Variants in BACH2 observed in about 807,000 individuals in gnomAD.
The protein encoded by BACH2 is BACH transcriptional regulator 2, also known as transcription regulator protein BACH2.
BACH2 carries 5 observed loss-of-function variants against 61.8 expected under a neutral mutation model. The ratio of observed to expected loss-of-function variants is 0.08; its 90% CI spans 0.04 to 0.17. BACH2 has a LOEUF of 0.17. Ranked by LOEUF, BACH2 falls within the 10% of genes least tolerant of loss-of-function variation. BACH2 has a pLI of 1.00. For synonymous variants in BACH2, 446 were observed against 440.1 expected (o/e 1.01, Z -0.17); for missense variants, 824 against 1,091.1 (o/e 0.76, Z 3.45).
At chr6:89,993,064 G>A (rs796788729) in intron 6 of BACH2, among the ~76,000 whole-genome samples, 1 of 152,268 alleles carries the variant, frequency 6.6e-6, no homozygotes, top group African/African-American at 2.4e-5. Flanking sequence ...ACAAGGAGGC[G>A]GCTGTCTGTA....
chr6:90,189,541 G>A (rs1768486804), intron 4 of BACH2, among the ~76,000 whole-genome samples: 2 of 150,170 alleles, frequency 1.3e-5, no homozygotes, highest in Admixed American at 1.3e-4. Flanking sequence ...CCGGGAAGCG[G>A]AGCTTGCAGT....
At chr6:90,093,757 A>T (rs995083532) in intron 4 of BACH2, among the ~76,000 whole-genome samples, 1 of 152,214 alleles carries the variant, frequency 6.6e-6, no homozygotes, top group African/African-American at 2.4e-5. Context: ...GTGTCTCAGA[A>T]CAATGGTGAA....
At chr6:90,139,613 G>C (rs1784396352) in intron 4 of BACH2, among the ~76,000 whole-genome samples, 1 of 152,210 alleles carries the variant, frequency 6.6e-6, no homozygotes, top group Admixed American at 6.5e-5. Context: ...AGGAGGGGTA[G>C]GGGTTGGGGA....
chr6:89,961,983 CAA>C (rs369414753), intron 6 of BACH2, among the ~76,000 whole-genome samples: 58 of 152,264 alleles, frequency 3.8e-4, no homozygotes, highest in African/African-American at 1.4e-3. Flanking sequence ...ATTTTTGACC[CAA>C]GAGTGTGTAC....
At chr6:90,275,964 G>A (rs1367308102) in intron 1 of BACH2, among the ~76,000 whole-genome samples, 6 of 137,852 alleles carry the variant, frequency 4.4e-5, no homozygotes, top group African/African-American at 1.0e-4. Context: ...GCTAGATTTC[G>A]TCTTAAAAAA....
intron 8 of BACH2, among the ~76,000 whole-genome samples, chr6:89,934,584 G>A (rs1475345832): frequency 6.6e-6 from 1 of 152,064 alleles, no homozygotes; most frequent in Admixed American, 6.6e-5. Flanking sequence ...GCTTGAATCC[G>A]GGAGGTGGAG....
chr6:89,954,165 C>A (rs1054111741), intron 6 of BACH2, among the ~76,000 whole-genome samples: 2 of 152,226 alleles, frequency 1.3e-5, no homozygotes, highest in African/African-American at 4.8e-5. Context: ...CGTAATGATC[C>A]TATGCTCCTC....
chr6:90,126,074 T>C (rs192364720), intron 4 of BACH2, among the ~76,000 whole-genome samples: 1 of 152,300 alleles, frequency 6.6e-6, no homozygotes, highest in East Asian at 1.9e-4. Context: ...CTGTGGGATA[T>C]GAACAGGTGG....
At chr6:90,165,384 A>G (rs1336468648) in intron 4 of BACH2, among the ~76,000 whole-genome samples, 1 of 152,134 alleles carries the variant, frequency 6.6e-6, no homozygotes, top group Non-Finnish European at 1.5e-5. Flanking sequence ...AGAACTACAA[A>G]CCACTGCTCA....
intron 1 of BACH2, among the ~76,000 whole-genome samples, chr6:90,278,510 C>T (rs1048266924): frequency 2.6e-5 from 4 of 152,208 alleles, no homozygotes; most frequent in Non-Finnish European, 5.9e-5. Flanking sequence ...ATCTCTCAAG[C>T]CATGATTTAA....
chr6:90,174,336 A>G (rs1363073046), intron 4 of BACH2, among the ~76,000 whole-genome samples: 2 of 152,060 alleles, frequency 1.3e-5, no homozygotes, highest in African/African-American at 4.8e-5. Flanking sequence ...TAGAAAAAGC[A>G]TTCAATAAAA....
intron 5 of BACH2, among the ~76,000 whole-genome samples, chr6:90,015,482 T>C (rs1450392756): frequency 6.6e-6 from 1 of 152,244 alleles, no homozygotes; most frequent in Non-Finnish European, 1.5e-5. Flanking sequence ...TTTTACTCAA[T>C]TCTTAATGCT....
chr6:89,936,587 T>C (rs562301508), intron 8 of BACH2, among the ~76,000 whole-genome samples: 15 of 152,108 alleles, frequency 9.9e-5, no homozygotes, highest in Non-Finnish European at 2.1e-4. Context: ...ACTGGAGAGG[T>C]AGCTACAGAC....
At chr6:89,997,446 T>C (rs1260318739) in intron 6 of BACH2, among the ~76,000 whole-genome samples, 1 of 152,210 alleles carries the variant, frequency 6.6e-6, no homozygotes, top group Non-Finnish European at 1.5e-5. Flanking sequence ...ACCTTCCTAT[T>C]TGTAGGGTAC....
intron 7 of BACH2, among the ~76,000 whole-genome samples, chr6:89,949,687 G>A (rs1773955792): frequency 6.6e-6 from 1 of 152,184 alleles, no homozygotes; most frequent in African/African-American, 2.4e-5. Flanking sequence ...ATGTGTGGCT[G>A]ACTAGGGTGC....
At chr6:90,219,975 C>G (rs1314621410) in intron 3 of BACH2, among the ~76,000 whole-genome samples, 1 of 150,058 alleles carries the variant, frequency 6.7e-6, no homozygotes, top group Non-Finnish European at 1.5e-5. Flanking sequence ...TTTTTTTTTT[C>G]CGCCTAAACA....
At chr6:90,015,127 G>A (rs747591681) in intron 5 of BACH2, among the ~76,000 whole-genome samples, 1 of 152,098 alleles carries the variant, frequency 6.6e-6, no homozygotes, top group South Asian at 2.1e-4. Context: ...GGTTGAATCT[G>A]TACTGATGCC....
intron 7 of BACH2, among the ~76,000 whole-genome samples, 164 bp from the exon 8 acceptor site, chr6:89,938,514 GTAA>G (rs1265540414): frequency 1.3e-5 from 2 of 152,194 alleles, no homozygotes; most frequent in African/African-American, 4.8e-5. Flanking sequence ...CAGATAAGAT[GTAA>G]TAATACCTGG....
chr6:89,950,036 T>C lies in BACH2; in HGVS notation c.1836+234A>G, dbSNP rs1421675844. ...ATATTTTTACTCAGCAGCTTGCCTC[T>C]GCTTGTCGAGTATTGAGATCCAGAT... On this transcript the variant is annotated intron_variant, in intron 7 of 8. Coordinates refer to ENST00000257749, the MANE Select transcript of BACH2 (RefSeq NM_021813.4). The surrounding 1 kb of genome is among the most constrained non-coding windows in gnomAD (Gnocchi z 5.3). The C allele has an allele frequency of 3.4e-6, 2 of 582,586 alleles. No homozygotes were observed. Among genetic ancestry groups the C allele is most frequent in the East Asian group, 6.0e-5 (2 of 33,144 alleles). The allele number at this position is 582,586 out of a possible 1,614,324, so 36.1% of individuals were successfully genotyped here.
Sources: allele counts gnomAD v4.1 joint callset (sites outside exome capture counted in the v4.1 genomes callset), GRCh38; gene constraint gnomAD v4.1.1; non-coding constraint Gnocchi (gnomAD v3.1); transcripts MANE v1.5; gene names NCBI Gene and HGNC (gene_info 2026-07-23, HGNC 2026-07-21).